The following CCSER2 variants were observed in gnomAD, a reference collection of about 807,000 sequenced individuals.
CCSER2 encodes coiled-coil serine rich protein 2, also known as serine-rich coiled-coil domain-containing protein 2.
In CCSER2, 46 loss-of-function variants were observed where a neutral mutation model predicts 92.3. The ratio of observed to expected loss-of-function variants is 0.50; its 90% confidence interval spans 0.39 to 0.64. CCSER2 has a LOEUF of 0.64. Ranked by LOEUF, CCSER2 falls within the 30% of genes least tolerant of loss-of-function variation. The pLI is 0.00. For missense variants in CCSER2, 1,244 were observed against 1,238.9 expected (o/e 1.00, Z -0.06); for synonymous variants, 433 against 431.4 (o/e 1.00, Z -0.04).
At chr10:84,416,938 A>G (rs545049282) in intron 3 of CCSER2, among the ~76,000 whole-genome samples, 1 of 152,358 alleles carries the variant, frequency 6.6e-6, no homozygotes, top group African/African-American at 2.4e-5. Flanking sequence ...CAAAAAAAAA[A>G]GAGTTTTTTA....
intron 4 of CCSER2, among the ~76,000 whole-genome samples, chr10:84,422,170 A>T (rs1308128595): frequency 6.6e-6 from 1 of 152,182 alleles, no homozygotes; most frequent in African/African-American, 2.4e-5. Flanking sequence ...AAACAGGAGG[A>T]TAGGTAGATC....
chr10:84,357,343 C>T (rs147349505), intron 1 of CCSER2, among the ~76,000 whole-genome samples: 2 of 152,284 alleles, frequency 1.3e-5, no homozygotes, highest in Admixed American at 6.5e-5. Flanking sequence ...CTAACTACAC[C>T]GTCCATAGAA....
chr10:84,491,980 A>G (rs1292566639), intron 9 of CCSER2, among the ~76,000 whole-genome samples: 3 of 152,094 alleles, frequency 2.0e-5, no homozygotes, highest in Middle Eastern at 3.4e-3. Flanking sequence ...TGATACTTAG[A>G]AAAAAAATTG....
chr10:84,348,507 AGAGGGCAAGGGCGAGGGCGAGGGC>A (rs1844677055), intron 1 of CCSER2, among the ~76,000 whole-genome samples: 2 of 151,984 alleles, frequency 1.3e-5, no homozygotes, highest in South Asian at 4.1e-4. Context: ...AGGAAGAGGG[AGAGGGCAAGGGCGAGGGCGAGGGC>A]GAGGGAGAAT....
At chr10:84,400,527 A>T (rs1842064099) in intron 3 of CCSER2, among the ~76,000 whole-genome samples, 1 of 152,018 alleles carries the variant, frequency 6.6e-6, no homozygotes, top group Non-Finnish European at 1.5e-5. Context: ...GAGGCCATTG[A>T]TCCATTTTAT....
At chr10:84,462,359 T>A (rs1459855649) in intron 6 of CCSER2, among the ~76,000 whole-genome samples, 1 of 152,234 alleles carries the variant, frequency 6.6e-6, no homozygotes, top group African/African-American at 2.4e-5. Context: ...GCTTGTGTTG[T>A]CTCATATTCC....
intron 3 of CCSER2, among the ~76,000 whole-genome samples, chr10:84,377,955 T>G (rs1482237877): frequency 6.6e-6 from 1 of 152,192 alleles, no homozygotes; most frequent in South Asian, 2.1e-4. Flanking sequence ...CTACTAGTTA[T>G]AATAATTTGC....
intron 6 of CCSER2, 55 bp from the exon 7 acceptor site, chr10:84,463,878 G>C: frequency 8.2e-7 from 1 of 1,212,784 alleles, no homozygotes; most frequent in Non-Finnish European, 1.2e-6. Flanking sequence ...AGGTTGAACT[G>C]AATGTCCACA....
At chr10:84,502,291 A>T (rs191908158) in intron 9 of CCSER2, among the ~76,000 whole-genome samples, 1 of 150,060 alleles carries the variant, frequency 6.7e-6, no homozygotes, top group East Asian at 2.0e-4. Context: ...ATGTTTGGAG[A>T]GGTTGATTGT....
intron 3 of CCSER2, among the ~76,000 whole-genome samples, chr10:84,410,186 A>G (rs550333435): frequency 1.3e-5 from 2 of 152,288 alleles, no homozygotes; most frequent in South Asian, 2.1e-4. Context: ...GGTTGATTCC[A>G]TGTCTCTGCT....
intron 3 of CCSER2, among the ~76,000 whole-genome samples, chr10:84,377,216 C>G (rs1348545977): frequency 6.6e-6 from 1 of 152,040 alleles, no homozygotes; most frequent in Non-Finnish European, 1.5e-5. Context: ...ACAAGTTTTC[C>G]CTTTACCGTT....
chr10:84,387,421 C>T (rs750206220), intron 3 of CCSER2, among the ~76,000 whole-genome samples: 1 of 152,236 alleles, frequency 6.6e-6, no homozygotes, highest in South Asian at 2.1e-4. Context: ...GAATTAATTA[C>T]TCCTTTCTTC....
At chr10:84,388,999 T>C (rs897060436) in intron 3 of CCSER2, among the ~76,000 whole-genome samples, 1 of 152,192 alleles carries the variant, frequency 6.6e-6, no homozygotes, top group African/African-American at 2.4e-5. Flanking sequence ...AACATTTTCC[T>C]ATATAATCAC....
At position 84,412,542 on chromosome 10, in the gene CCSER2, T is replaced by C. The variant is rs369121546; in HGVS notation, c.1615-5229T>C. On this transcript the variant is annotated intron_variant, in intron 3 of 9. Coordinates refer to ENST00000372088, the MANE Select transcript of CCSER2 (RefSeq NM_001284240.2). The stretch of plus-strand genomic sequence containing the variant: ...AGTCTTGGGAGGGTTGTTGGGGTGA[T>C]CAGACCCAACAGCAGGTCGTGGGGG... 2.0e-4 allele frequency among the ~76,000 whole-genome samples: 30 copies of C among 152,100 alleles called. 1 individual carries two copies. The East Asian group carries it at 2.1e-3, about 11-fold the overall frequency.
chr10:84,483,393 C>CAA (rs768732138), intron 9 of CCSER2, among the ~76,000 whole-genome samples: 20 of 74,444 alleles, frequency 2.7e-4, no homozygotes, highest in South Asian at 1.2e-3. Flanking sequence ...AACTCTGTCT[C>CAA]AAAAAAAAAA....
intron 9 of CCSER2, among the ~76,000 whole-genome samples, chr10:84,494,391 A>G (rs1848334861): frequency 6.6e-6 from 1 of 152,222 alleles, no homozygotes; most frequent in East Asian, 1.9e-4. Context: ...TTACTGCAAC[A>G]TGTTTTATCG....
chr10:84,360,538 A>G (rs866282515), intron 1 of CCSER2, among the ~76,000 whole-genome samples: 2 of 152,228 alleles, frequency 1.3e-5, no homozygotes, highest in Non-Finnish European at 2.9e-5. Context: ...TATAACTTAC[A>G]TACAATAAAA....
chr10:84,391,932 C>T (rs570639845), intron 3 of CCSER2: 27 of 1,321,248 alleles, frequency 2.0e-5, no homozygotes, highest in Admixed American at 6.8e-5. Flanking sequence ...GAGACACATT[C>T]GGTGTAAGAT....
chr10:84,451,856 G>A lies in CCSER2; in HGVS notation c.2065-12077G>A, dbSNP rs557845574. ...GTGAGGATCACTTCACCTCTAAAGC[G>A]CTTATTAAAATCAGATTTTATAAGT... On this transcript the variant is annotated intron_variant, in intron 6 of 9. Transcript: ENST00000372088. Among the ~76,000 whole-genome samples, 34 of 152,170 alleles carry A rather than the reference G, an allele frequency of 2.2e-4. No individual in the cohort carries two copies. The South Asian group carries it at 6.6e-3, about 30-fold the overall frequency.
Sources: allele counts gnomAD v4.1 joint callset (sites outside exome capture counted in the v4.1 genomes callset), GRCh38; gene constraint gnomAD v4.1.1; transcripts MANE v1.5; gene names NCBI Gene and HGNC (gene_info 2026-07-23, HGNC 2026-07-21).